Variants in ROBO2 observed in about 807,000 individuals in gnomAD.
ROBO2 encodes roundabout guidance receptor 2, also known as roundabout homolog 2.
ROBO2 carries 53 observed loss-of-function variants against 160.8 expected under a neutral mutation model. The ratio of observed to expected loss-of-function variants is 0.33; its 90% CI spans 0.26 to 0.41. The LOEUF is 0.41. Ranked by LOEUF, ROBO2 falls within the 10% of genes least tolerant of loss-of-function variation. The pLI is 1.00. For synonymous variants in ROBO2, 664 were observed against 611.7 expected (o/e 1.09, Z -1.26); for missense variants, 1,577 against 1,722.4 (o/e 0.92, Z 1.49).
At chr3:76,584,142 C>T (rs2085878394) in intron 2 of ROBO2, among the ~76,000 whole-genome samples, 1 of 152,048 alleles carries the variant, frequency 6.6e-6, no homozygotes, top group Admixed American at 6.6e-5. Context: ...CCTGTCACTC[C>T]CAGAAAACAC....
chr3:77,081,066 T>A (rs2068601890), intron 1 of ROBO2, among the ~76,000 whole-genome samples: 3 of 152,208 alleles, frequency 2.0e-5, no homozygotes, highest in African/African-American at 7.2e-5. Flanking sequence ...CGTGCATGTT[T>A]GTTGTGTGTT....
intron 2 of ROBO2, among the ~76,000 whole-genome samples, chr3:76,198,903 T>C (rs948376169): frequency 3.9e-4 from 59 of 152,298 alleles, no homozygotes; most frequent in Middle Eastern, 3.4e-3. Flanking sequence ...CATGTATTGA[T>C]TGATGTCTGC....
chr3:77,183,449 T>C (rs1460975969), intron 2 of ROBO2, among the ~76,000 whole-genome samples: 3 of 151,946 alleles, frequency 2.0e-5, no homozygotes, highest in East Asian at 1.9e-4. Flanking sequence ...GGGTGGGCCC[T>C]AGACTAATGC....
At chr3:75,965,945 T>C (rs1342545605) in intron 2 of ROBO2, among the ~76,000 whole-genome samples, 2 of 151,884 alleles carry the variant, frequency 1.3e-5, no homozygotes, top group East Asian at 3.9e-4. Flanking sequence ...TCTTTTGACA[T>C]TGAAATAAAG....
chr3:77,468,958 A>G (rs2083070977), intron 2 of ROBO2, among the ~76,000 whole-genome samples: 1 of 152,158 alleles, frequency 6.6e-6, no homozygotes. Context: ...TCTGTGCAGA[A>G]GAAACCACTT....
At chr3:77,338,165 T>C (rs1421679507) in intron 2 of ROBO2, among the ~76,000 whole-genome samples, 1 of 152,196 alleles carries the variant, frequency 6.6e-6, no homozygotes, top group Non-Finnish European at 1.5e-5. Context: ...CAATACAAGT[T>C]AGAGCTCATA....
chr3:76,365,797 G>T (rs2075782252), intron 2 of ROBO2, among the ~76,000 whole-genome samples: 1 of 151,658 alleles, frequency 6.6e-6, no homozygotes, highest in African/African-American at 2.4e-5. Flanking sequence ...TGAGAAATTG[G>T]AATTTACTTT....
At position 75,997,617 on chromosome 3, in the gene ROBO2, G is replaced by A. The variant is rs143486538; in HGVS notation, c.109+60015G>A. 6.9e-3 allele frequency among the ~76,000 whole-genome samples: 1,030 copies of A among 149,372 alleles called. 69 individuals carry two copies. The East Asian group carries it at 0.18, about 26-fold the overall frequency. ...ATGCCATTCTCCTGCCCAGCCTCCC[G>A]AGTAGCTGGGACTACAGGCGCCCGC... On this transcript the variant is annotated intron_variant, in intron 2 of 26. Coordinates refer to the ROBO2 transcript ENST00000487694.
intron 2 of ROBO2, among the ~76,000 whole-genome samples, chr3:76,325,420 T>C (rs566521298): frequency 1.3e-5 from 2 of 152,324 alleles, no homozygotes; most frequent in East Asian, 3.9e-4. Flanking sequence ...AGTCTGATTA[T>C]AGCATTATTC....
intron 2 of ROBO2, among the ~76,000 whole-genome samples, chr3:76,334,106 C>T (rs1202706212): frequency 2.0e-5 from 3 of 151,958 alleles, no homozygotes; most frequent in African/African-American, 7.3e-5. Flanking sequence ...CAAACCTGCA[C>T]GTTGTGCACA....
intron 2 of ROBO2, among the ~76,000 whole-genome samples, chr3:76,347,210 G>A (rs2074583939): frequency 6.6e-6 from 1 of 152,028 alleles, no homozygotes. Context: ...CACCTACTCT[G>A]TCCTAAACCC....
At chr3:77,118,011 A>C (rs948560827) in intron 2 of ROBO2, among the ~76,000 whole-genome samples, 1 of 152,184 alleles carries the variant, frequency 6.6e-6, no homozygotes, top group African/African-American at 2.4e-5. Flanking sequence ...TCACTAATAC[A>C]CCAGTGCTAT....
intron 2 of ROBO2, among the ~76,000 whole-genome samples, chr3:77,274,285 C>T (rs1341743479): frequency 6.6e-6 from 1 of 152,078 alleles, no homozygotes; most frequent in Admixed American, 6.6e-5. Context: ...CTAAGAAGCA[C>T]TAAAGCCAAA....
intron 1 of ROBO2, among the ~76,000 whole-genome samples, chr3:77,094,248 A>C (rs1202876250): frequency 1.3e-5 from 2 of 152,152 alleles, no homozygotes; most frequent in Non-Finnish European, 2.9e-5. Context: ...GAATCGTACA[A>C]TATATGGTCC....
chr3:77,021,459 C>T (rs2062632809), intron 2 of ROBO2, among the ~76,000 whole-genome samples: 1 of 152,156 alleles, frequency 6.6e-6, no homozygotes, highest in Non-Finnish European at 1.5e-5. Context: ...TAACCCTCCC[C>T]TTCCTATCTG....
At chr3:76,789,266 C>A (rs2108705471) in intron 2 of ROBO2, among the ~76,000 whole-genome samples, 1 of 151,638 alleles carries the variant, frequency 6.6e-6, no homozygotes, top group Admixed American at 6.6e-5. Flanking sequence ...CTACTCTTTT[C>A]TCTTTAAAAA....
intron 2 of ROBO2, among the ~76,000 whole-genome samples, chr3:77,465,617 G>A (rs2082687776): frequency 6.6e-6 from 1 of 152,068 alleles, no homozygotes; most frequent in South Asian, 2.1e-4. Context: ...TACTGAAGAA[G>A]GCTTCTTTCC....
rs756280242 is a variant in ROBO2 at position 76,806,341 on chromosome 3, G to A, written c.110-291673G>A. 2.0e-4 allele frequency among the ~76,000 whole-genome samples: 30 copies of A among 151,702 alleles called. 1 individual carries two copies. Among genetic ancestry groups the A allele is most frequent in the South Asian group, 8.3e-4 (4 of 4,814 alleles). On this transcript the variant is annotated intron_variant, in intron 2 of 26. Coordinates refer to the ROBO2 transcript ENST00000487694. ...TGCACACCCAGGGGAACAGAAGTAC[G>A]TCCTGATTATTGCACTGTTACTCAA... is the stretch of plus-strand genomic sequence containing the variant.
chr3:76,955,117 TATA>T (rs1462722240), intron 2 of ROBO2, among the ~76,000 whole-genome samples: 1 of 152,238 alleles, frequency 6.6e-6, no homozygotes, highest in African/African-American at 2.4e-5. Context: ...AGTGGAATCA[TATA>T]ATATTTGCCA....
Sources: gnomAD v4.1 joint callset for allele counts (sites outside exome capture counted in the v4.1 genomes callset) on GRCh38, gnomAD v4.1.1 for gene constraint, MANE v1.5 for transcripts, NCBI Gene and HGNC (gene_info 2026-07-23, HGNC 2026-07-21) for gene names.